STXBP4: variants seen among roughly 807,000 people sequenced by gnomAD.
STXBP4 encodes syntaxin binding protein 4, also known as syntaxin-binding protein 4.
Under a neutral mutation model 76.1 loss-of-function variants are expected in STXBP4, and 55 were observed. The ratio of observed to expected loss-of-function variants is 0.72; its 90% CI spans 0.58 to 0.91. STXBP4 has a LOEUF of 0.91. Among genes scored for constraint, STXBP4 ranks in the 40% least tolerant of loss-of-function variants. The probability of loss-of-function intolerance (pLI) is 0.00; values close to 1 mark genes in which losing one functional copy is unlikely to be tolerated. For synonymous variants in STXBP4, 201 were observed against 220.2 expected, an observed-to-expected ratio of 0.91 and a Z score of 0.77; for missense variants, 618 against 636.9, an observed-to-expected ratio of 0.97 and a Z score of 0.32.
At chr17:54,986,746 A>T (rs189552828) in intron 3 of STXBP4, among the ~76,000 whole-genome samples, 49 of 152,312 alleles carry the variant, frequency 3.2e-4, no homozygotes, top group African/African-American at 1.0e-3. Context: ...CATTAAAAAA[A>T]TTTGATAATA....
chr17:55,141,122 A>G (rs1223468282), intron 16 of STXBP4, among the ~76,000 whole-genome samples, 188 bp from the exon 17 acceptor site: 1 of 152,208 alleles, frequency 6.6e-6, no homozygotes, highest in Non-Finnish European at 1.5e-5. Context: ...CTCAAGACTT[A>G]TTTATTGTGT....
At chr17:55,094,241 A>G (rs141090473) in intron 16 of STXBP4, among the ~76,000 whole-genome samples, 1 of 151,714 alleles carries the variant, frequency 6.6e-6, no homozygotes, top group Non-Finnish European at 1.5e-5. Flanking sequence ...AAGGGTGGAT[A>G]TGTAGCAAGA....
Position 55,166,670 on chromosome 17 carries a change from A to G in STXBP4, c.*6759A>G, listed in dbSNP as rs1052187907. On this transcript the variant is annotated 3_prime_UTR_variant, in exon 18 of 18. Coordinates refer to ENST00000376352, the MANE Select transcript of STXBP4 (RefSeq NM_178509.6). ...TCCCCATGCCCAGAGCTGGCACTCT[A>G]TGGATGCCATGCCTGCATTTTTACA... 1 of 152,238 alleles carries G rather than the reference A, an allele frequency of 6.6e-6. No individual in the cohort carries two copies. The highest frequency in any genetic ancestry group is 2.4e-5 in the African/African-American group (1 of 41,428). 9.4% of individuals were successfully genotyped at this position (152,238 alleles called of 1,614,324 possible).
chr17:55,043,853 T>C (rs1598258298), intron 11 of STXBP4: 2 of 559,764 alleles, frequency 3.6e-6, no homozygotes, highest in East Asian at 6.2e-5. Flanking sequence ...TTCTTGTTTT[T>C]GTTTTGTGTT....
At chr17:55,200,184 A>G in the STXBP4 span, among the ~76,000 whole-genome samples, 3 of 152,230 alleles carry the variant, frequency 2.0e-5, no homozygotes, top group African/African-American at 7.2e-5. Context: ...TTTGTTCATC[A>G]GAGTATTTCC....
At chr17:55,199,940 A>G in the STXBP4 span, among the ~76,000 whole-genome samples, 1 of 152,156 alleles carries the variant, frequency 6.6e-6, no homozygotes, top group East Asian at 1.9e-4. Flanking sequence ...CATGCCCTGA[A>G]TACTTCCCCT....
rs751717673 is a variant in STXBP4 at position 55,110,954 on chromosome 17, A to G, written c.1489+29771A>G. Among the ~76,000 whole-genome samples the G allele has an allele frequency of 5.9e-5, 9 of 152,242 alleles. No individual in the cohort carries two copies. The South Asian group carries it at 1.9e-3, about 32-fold the overall frequency. ...CTTTCAGCAAGAAATGAGTAGACTC[A>G]TAACTGTACTTCAGGAAACGTTGCC... On this transcript the variant is annotated intron_variant, in intron 16 of 17. Transcript: ENST00000376352.
At position 55,159,976 on chromosome 17, in the gene STXBP4, G is replaced by A. The variant is rs1431419050; in HGVS notation, c.*65G>A. ...GCAGAGACGCATAACATCCAATTCT[G>A]AGATGAAACAGTCTAAAATAGGAGT... On this transcript the variant is annotated 3_prime_UTR_variant, in exon 18 of 18. Coordinates refer to ENST00000376352, the MANE Select transcript of STXBP4 (RefSeq NM_178509.6). 1.0e-6 allele frequency: 1 copy of A among 1,002,034 alleles called. No individual in the cohort carries two copies. The highest frequency in any genetic ancestry group is 1.6e-6 in the Non-Finnish European group (1 of 639,292). The allele number at this position is 1,002,034 out of a possible 1,614,324, so 62.1% of individuals were successfully genotyped here.
intron 16 of STXBP4, among the ~76,000 whole-genome samples, chr17:55,108,284 A>C (rs1403211928): frequency 6.6e-6 from 1 of 152,182 alleles, no homozygotes; most frequent in East Asian, 1.9e-4. Context: ...TCCCAGGTCA[A>C]CTTCAGACTG....
intron 17 of STXBP4, among the ~76,000 whole-genome samples, chr17:55,142,365 G>A (rs544649570): frequency 6.6e-6 from 1 of 152,194 alleles, no homozygotes; most frequent in African/African-American, 2.4e-5. Context: ...ATGCATTTTG[G>A]GAGGAAAAGG....
intron 17 of STXBP4, among the ~76,000 whole-genome samples, chr17:55,158,643 A>G (rs2080306739): frequency 6.6e-6 from 1 of 152,172 alleles, no homozygotes; most frequent in South Asian, 2.1e-4. Context: ...CATTTCCTAG[A>G]CATACCCAAT....
At chr17:55,156,333 T>C (rs2080276256) in intron 17 of STXBP4, among the ~76,000 whole-genome samples, 1 of 152,124 alleles carries the variant, frequency 6.6e-6, no homozygotes, top group South Asian at 2.1e-4. Context: ...ACTAGAATGT[T>C]CTCCAAGCCA....
the STXBP4 span, among the ~76,000 whole-genome samples, chr17:55,201,159 C>A: frequency 2.6e-5 from 4 of 152,202 alleles, no homozygotes; most frequent in Non-Finnish European, 4.4e-5. Flanking sequence ...TCCATGGCAG[C>A]GGGTAAGCTG....
intron 3 of STXBP4, among the ~76,000 whole-genome samples, chr17:54,990,409 A>C (rs1236625595): frequency 6.6e-6 from 1 of 152,138 alleles, no homozygotes; most frequent in African/African-American, 2.4e-5. Context: ...TGAACTGTGC[A>C]TGTGAGGGAT....
At chr17:55,208,718 A>G in the STXBP4 span, among the ~76,000 whole-genome samples, 3 of 152,336 alleles carry the variant, frequency 2.0e-5, no homozygotes, top group East Asian at 5.8e-4. Context: ...AATTAAAGGC[A>G]AGAATCTTGA....
chr17:55,078,677 T>A lies in STXBP4; in HGVS notation c.1306-9T>A. 1 of 1,535,980 alleles carries A rather than the reference T, an allele frequency of 6.5e-7. No homozygotes were observed. Among genetic ancestry groups the A allele is most frequent in the Non-Finnish European group, 9.0e-7 (1 of 1,114,916 alleles). The stretch of plus-strand genomic sequence containing the variant: ...GATATATCTCCTTCACCATCTTGTT[T>A]GTTGCTAGGCTATTCAAGAAGTATT... On this transcript the variant is annotated splice_polypyrimidine_tract_variant and intron_variant, in intron 14 of 17. Coordinates refer to ENST00000376352, the MANE Select transcript of STXBP4 (RefSeq NM_178509.6).
intron 8 of STXBP4, among the ~76,000 whole-genome samples, chr17:55,023,152 C>T (rs1224481687): frequency 6.6e-6 from 1 of 152,128 alleles, no homozygotes; most frequent in Non-Finnish European, 1.5e-5. Context: ...GGAGCGGGTC[C>T]GTAGTTCTTA....
chr17:55,065,209 C>T (rs1374941445), intron 12 of STXBP4, among the ~76,000 whole-genome samples: 1 of 152,108 alleles, frequency 6.6e-6, no homozygotes, highest in African/African-American at 2.4e-5. Flanking sequence ...ATTCTTGGGC[C>T]ATGTTTCCTC....
intron 17 of STXBP4, among the ~76,000 whole-genome samples, chr17:55,155,121 G>A (rs1213868496): frequency 6.6e-6 from 1 of 151,926 alleles, no homozygotes; most frequent in African/African-American, 2.4e-5. Context: ...TTATGTAAGA[G>A]GATACTCCTT....
Sources: gnomAD v4.1 joint callset for allele counts (sites outside exome capture counted in the v4.1 genomes callset) on GRCh38, gnomAD v4.1.1 for gene constraint, MANE v1.5 for transcripts, NCBI Gene and HGNC (gene_info 2026-07-23, HGNC 2026-07-21) for gene names.